The following CYP11B2 variants were observed in gnomAD, a reference collection of about 807,000 sequenced individuals.
The protein encoded by CYP11B2 is cytochrome P450 11B2, mitochondrial.
In CYP11B2, 38 loss-of-function variants were observed where a neutral mutation model predicts 49.3. The observed-to-expected ratio is 0.77, with a 90% CI of 0.59 to 1.01. CYP11B2 has a LOEUF of 1.01. Among genes scored for constraint, CYP11B2 ranks in the 50% least tolerant of loss-of-function variants. The pLI, the probability that CYP11B2 is intolerant of heterozygous loss-of-function variation, is 0.00. For missense variants in CYP11B2, 669 were observed against 655.5 expected (o/e 1.02, Z -0.23); for synonymous variants, 290 against 269.3 (o/e 1.08, Z -0.75).
rs750863398 is a variant in CYP11B2 at position 142,915,069 on chromosome 8, C to A, written c.572G>T (p.Ser191Ile). Residue 191 changes from serine to isoleucine, a missense_variant, in exon 3 of 9, where the codon AGC becomes ATC. Coordinates refer to ENST00000323110, the MANE Select transcript of CYP11B2 (RefSeq NM_000498.3). ...ACCTTCTATGGTGTAGTGGAAGATG[C>A]TGGGCTGGACGTCCAGGGTCAGGCT... ...RGSLTLDVQP[S>I]IFHYTIEASN... 3.7e-6 allele frequency: 6 copies of A among 1,613,870 alleles called. No individual in the cohort carries two copies. In the South Asian group the frequency reaches 5.5e-5, roughly 15 times the overall value.
chr8:142,912,008 G>A lies in CYP11B2; in HGVS notation c.1484C>T (p.Pro495Leu). 6.2e-7 allele frequency: 1 copy of A among 1,614,002 alleles called. No homozygotes were observed. The highest frequency in any genetic ancestry group is 1.1e-5 in the South Asian group (1 of 91,078). ...YSFILRPGTS[P>L]LLTFRAIN ...GTTAATCGCTCTGAAAGTGAGGAGG[G>A]GGGACGTGCCAGGCCTCAATATGAA... The change falls in exon 9 of 9, where the codon CCC becomes CTC. Residue 495 changes from proline to leucine, a missense_variant. By Grantham distance (98) the Pro-to-Leu change is moderately conservative. Coordinates refer to ENST00000323110, the MANE Select transcript of CYP11B2 (RefSeq NM_000498.3).
intron 7 of CYP11B2, 24 bp from the exon 8 acceptor site, chr8:142,912,751 T>A (rs754981110): frequency 6.2e-7 from 1 of 1,613,680 alleles, no homozygotes; most frequent in South Asian, 1.1e-5. Flanking sequence ...AGAGCAGGGA[T>A]CAGGGAATGA....
At position 142,913,390 on chromosome 8, in the gene CYP11B2, A is replaced by G. The variant is rs4544; in HGVS notation, c.1016T>C (p.Ile339Thr). ...ELARNPDVQQ[I>T]LRQESLAAAA... ...GGCGGCCAGGCTCTCCTGGCGCAGGATCTGCTGCACGTCGGGGTTCCGAGC... is the reference window on the plus strand; with the variant it reads ...GGCGGCCAGGCTCTCCTGGCGCAGGGTCTGCTGCACGTCGGGGTTCCGAGC... Residue 339 changes from isoleucine (I) to threonine (T), a missense_variant, in exon 6 of 9, where the codon ATC (isoleucine) becomes ACC (threonine). Transcript: ENST00000323110. 0.031 allele frequency: 50,732 copies of G among 1,613,748 alleles called. 6,525 individuals carry two copies. The African/African-American group carries it at 0.4, about 13-fold the overall frequency.
intron 2 of CYP11B2, 131 bp from the exon 3 acceptor site, chr8:142,915,376 C>T (rs1310044178): frequency 8.9e-6 from 8 of 895,314 alleles, no homozygotes; most frequent in Middle Eastern, 3.2e-4. Context: ...TAGAAGCTGC[C>T]TGTTTGTGTT....
In CYP11B2 at chr8:142,914,365, G is replaced by A. The variant is rs1563880621; in HGVS notation, c.853C>T (p.His285Tyr). 6.2e-7 allele frequency: 1 copy of A among 1,613,488 alleles called. No homozygotes were observed. The highest frequency in any genetic ancestry group is 8.5e-7 in the Non-Finnish European group (1 of 1,179,468). ...AGCTCCGCCACGATGCCTGTGTAGT[G>A]TTGAGGGCGGTTGAAGGCCAGTTCC... ...YQELAFNRPQ[H>Y]YTGIVAELLL... Residue 285 changes from histidine to tyrosine, a missense_variant, in exon 5 of 9, where the codon CAC (histidine) becomes TAC (tyrosine). Transcript: ENST00000323110.
At position 142,917,641 on chromosome 8, in the gene CYP11B2, T is replaced by G; in HGVS notation, c.200A>C (p.Glu67Ala). The G allele has an allele frequency of 1.2e-6, 2 of 1,614,230 alleles. No individual in the cohort carries two copies. The highest frequency in any genetic ancestry group is 1.7e-6 in the Non-Finnish European group (2 of 1,180,036). ...REQGYEHLHL[E>A]MHQTFQELGP... is the part of the protein sequence containing the mutation. ...CAGCTCCTGGAAGGTCTGGTGCATC[T>G]CCAGGTGCAGGTGCTCATAACCCTG... The change falls in exon 1 of 9, where the codon GAG becomes GCG. Residue 67 changes from glutamate to alanine, a missense_variant. Glu to Ala is a moderately radical substitution (Grantham distance 107). Coordinates refer to ENST00000323110, the MANE Select transcript of CYP11B2 (RefSeq NM_000498.3).
At position 142,917,701 on chromosome 8, in the gene CYP11B2, TTGCCTGGA is replaced by T; in HGVS notation, c.132_139del (p.His44GlnfsTer16). The T allele has an allele frequency of 6.2e-7, 1 of 1,614,166 alleles. No individual in the cohort carries two copies. The highest frequency in any genetic ancestry group is 1.1e-5 in the South Asian group (1 of 91,086). On this transcript the variant is annotated frameshift_variant, in exon 1 of 9. Coordinates refer to ENST00000323110, the MANE Select transcript of CYP11B2 (RefSeq NM_000498.3). LOFTEE classifies it high-confidence loss of function. Reference sequence around the variant, plus strand: ...GATCTGCAGCAGCCTCAGCCACCTGTTGCCTGGATGCTGGGGCATGGCTTCAAACGGCA... The same window carrying T: ...GATCTGCAGCAGCCTCAGCCACCTGTTGCTGGGGCATGGCTTCAAACGGCA...
intron 2 of CYP11B2, among the ~76,000 whole-genome samples, chr8:142,916,791 G>A (rs11779229): frequency 0.3 from 46,131 of 152,022 alleles, 8,745 homozygotes; most frequent in Non-Finnish European, 0.43. Flanking sequence ...GGTGCAGAGC[G>A]GGTTCTCACT....
chr8:142,913,960 C>G (rs1817588042), intron 5 of CYP11B2: 3 of 546,846 alleles, frequency 5.5e-6, no homozygotes, highest in Non-Finnish European at 1.1e-5. Context: ...CTTGTACACC[C>G]AGAGCTTTCC....
intron 8 of CYP11B2, 103 bp downstream of exon 8, chr8:142,912,427 T>G: frequency 7.8e-7 from 1 of 1,289,006 alleles, no homozygotes; most frequent in South Asian, 1.2e-5. Flanking sequence ...CAAGGCCCCA[T>G]CCACTGTTCC....
At chr8:142,913,881 C>A (rs1408329744) in intron 5 of CYP11B2, 2 of 488,780 alleles carry the variant, frequency 4.1e-6, no homozygotes, top group Non-Finnish European at 8.0e-6. Flanking sequence ...ATTTCTGGCC[C>A]AAGGTGACCG....
chr8:142,913,795 C>T lies in CYP11B2; in HGVS notation c.955-344G>A, dbSNP rs148499150. On this transcript the variant is annotated intron_variant, in intron 5 of 8. Coordinates refer to ENST00000323110, the MANE Select transcript of CYP11B2 (RefSeq NM_000498.3). ...CTTCCATTGAGTTCTCCCCACTGTGCACCCACAGGCCCCTCTGCACTGGCT... is the reference window on the plus strand; with the variant it reads ...CTTCCATTGAGTTCTCCCCACTGTGTACCCACAGGCCCCTCTGCACTGGCT... Among the ~76,000 whole-genome samples the T allele has an allele frequency of 2.0e-5, 3 of 152,296 alleles. No individual in the cohort carries two copies. In the East Asian group the frequency reaches 5.8e-4, roughly 30 times the overall value.
At chr8:142,912,950 C>T in intron 6 of CYP11B2, 65 bp from the exon 7 acceptor site, 3 of 1,525,174 alleles carry the variant, frequency 2.0e-6, no homozygotes, top group East Asian at 2.3e-5. Context: ...CTCTCTGCAC[C>T]CTTCCTACCG....
chr8:142,912,911 G>T, intron 6 of CYP11B2, 26 bp from the exon 7 acceptor site: 2 of 1,604,460 alleles, frequency 1.2e-6, no homozygotes, highest in Non-Finnish European at 8.5e-7. Context: ...TCCATAGAAA[G>T]GGTCCTCAGC....
At chr8:142,914,050 C>T in intron 5 of CYP11B2, 1 of 681,022 alleles carries the variant, frequency 1.5e-6, no homozygotes, top group Non-Finnish European at 2.7e-6. Context: ...ACACAGGTAA[C>T]TGCAAACTCA....
At position 142,912,857 on chromosome 8, in the gene CYP11B2, G is replaced by A. The variant is rs752975169; in HGVS notation, c.1150C>T (p.Arg384Ter). 6.8e-6 allele frequency: 11 copies of A among 1,613,614 alleles called. No homozygotes were observed. Among genetic ancestry groups the A allele is most frequent in the Admixed American group, 1.7e-5 (1 of 59,986 alleles). ...RLYPVGLFLE[R>*]VVSSDLVLQN... ...AGCACCAAGTCTGAGCTCACCACTC[G>A]CTCCAAAAACAGACCCACAGGGTAG... Residue 384 changes from arginine to a stop codon, truncating the protein, a stop_gained, in exon 7 of 9, where the codon CGA becomes TGA. Transcript: ENST00000323110. LOFTEE classifies it high-confidence loss of function.
At position 142,914,276 on chromosome 8, in the gene CYP11B2, C is replaced by G. The variant is rs996780566; in HGVS notation, c.942G>C (p.Gly314=). ...IKANSMELTA[G]SVDTTAFPLL... ...TTGCTGGCCTGACCGTGTCCACGCT[C>G]CCTGCAGTGAGTTCCATAGAGTTGG... Residue 314 remains glycine, a synonymous_variant, in exon 5 of 9, where the codon GGG becomes GGC. Transcript: ENST00000323110. 37 of 1,614,058 alleles carry G rather than the reference C, an allele frequency of 2.3e-5. No homozygotes were observed. The highest frequency in any genetic ancestry group is 3.1e-5 in the Non-Finnish European group (37 of 1,180,040).
chr8:142,914,067 T>G (rs1297042590), intron 5 of CYP11B2, 197 bp downstream of exon 5: 1 of 706,626 alleles, frequency 1.4e-6, no homozygotes, highest in Admixed American at 2.0e-5. Context: ...CTCAGTCTCA[T>G]GTGAGGGGGA....
At chr8:142,913,486 A>G (rs1563880219) in intron 5 of CYP11B2, 35 bp from the exon 6 acceptor site, 4 of 1,613,926 alleles carry the variant, frequency 2.5e-6, no homozygotes, top group Non-Finnish European at 3.4e-6. Context: ...CAGACCTTGC[A>G]CAGGAGGACT....
Sources: allele counts gnomAD v4.1 joint callset (sites outside exome capture counted in the v4.1 genomes callset), GRCh38; gene constraint gnomAD v4.1.1; transcripts MANE v1.5; gene names NCBI Gene and HGNC (gene_info 2026-07-23, HGNC 2026-07-21).